Variants in ADAM22 observed in about 807,000 individuals in gnomAD.
ADAM22 encodes disintegrin and metalloproteinase domain-containing protein 22.
Under a neutral mutation model 144.6 loss-of-function variants are expected in ADAM22, and 65 were observed. The ratio of observed to expected loss-of-function variants is 0.45; its 90% CI spans 0.37 to 0.55. ADAM22 has a LOEUF of 0.55. Among genes scored for constraint, ADAM22 ranks in the 20% least tolerant of loss-of-function variants. ADAM22 has a pLI of 0.00. For missense variants in ADAM22, 974 were observed against 1,184.9 expected, an observed-to-expected ratio of 0.82 and a Z score of 2.61; for synonymous variants, 391 against 412.6, an observed-to-expected ratio of 0.95 and a Z score of 0.63.
chr7:88,038,531 T>G (rs1030490058), intron 3 of ADAM22, among the ~76,000 whole-genome samples: 39 of 150,968 alleles, frequency 2.6e-4, no homozygotes, highest in Non-Finnish European at 1.9e-4. Context: ...CTCGACTCAC[T>G]GCAAGCTCCG....
intron 5 of ADAM22, among the ~76,000 whole-genome samples, chr7:88,112,684 C>G (rs975898639): frequency 2.0e-5 from 3 of 152,082 alleles, no homozygotes; most frequent in Non-Finnish European, 2.9e-5. Flanking sequence ...GTAGCCACCC[C>G]CAGCCTACGA....
At chr7:88,017,481 C>G (rs1375246265) in intron 3 of ADAM22, among the ~76,000 whole-genome samples, 1 of 148,790 alleles carries the variant, frequency 6.7e-6, no homozygotes, top group African/African-American at 2.6e-5. Flanking sequence ...ACCTTAAATA[C>G]TTACTCTCTC....
chr7:87,988,825 T>C (rs1789077342), intron 3 of ADAM22, among the ~76,000 whole-genome samples: 1 of 152,164 alleles, frequency 6.6e-6, no homozygotes, highest in South Asian at 2.1e-4. Context: ...TCCCTAACCC[T>C]CTCTAGTAGA....
chr7:87,997,129 A>G (rs949450636), intron 3 of ADAM22, among the ~76,000 whole-genome samples: 1 of 152,244 alleles, frequency 6.6e-6, no homozygotes, highest in African/African-American at 2.4e-5. Flanking sequence ...TTGTTCGTTA[A>G]AAGCATATCT....
At chr7:88,008,463 C>T (rs1453040348) in intron 3 of ADAM22, among the ~76,000 whole-genome samples, 8 of 152,064 alleles carry the variant, frequency 5.3e-5, no homozygotes, top group Admixed American at 2.6e-4. Flanking sequence ...ATGTTTATTG[C>T]AGCACTATTC....
rs1820404083 is a variant in ADAM22, at chr7:88,093,231, A to T, written c.391-14945A>T. ...TAGAGTGAACTATTACAGTAATTATAATTGAACAGAAAGTAGTAGAAATAC... is the reference window on the plus strand; with the variant it reads ...TAGAGTGAACTATTACAGTAATTATTATTGAACAGAAAGTAGTAGAAATAC... On this transcript the variant is annotated intron_variant, in intron 4 of 31. Transcript: ENST00000413139. 2.0e-5 allele frequency among the ~76,000 whole-genome samples: 3 copies of T among 152,130 alleles called. No individual in the cohort carries two copies. In the South Asian group the frequency reaches 6.2e-4, roughly 31 times the overall value.
intron 2 of ADAM22, among the ~76,000 whole-genome samples, chr7:87,944,643 C>T (rs753416098): frequency 1.3e-5 from 2 of 151,976 alleles, no homozygotes; most frequent in Non-Finnish European, 2.9e-5. Context: ...AGGGTGGTGG[C>T]AGGTGAGGCT....
intron 22 of ADAM22, among the ~76,000 whole-genome samples, chr7:88,162,025 G>C: frequency 6.6e-6 from 1 of 150,584 alleles, no homozygotes; most frequent in East Asian, 2.0e-4. Context: ...TTGCAGCACT[G>C]TTCACAGTCT....
At chr7:87,941,625 C>T (rs1341778154) in intron 2 of ADAM22, among the ~76,000 whole-genome samples, 1 of 152,012 alleles carries the variant, frequency 6.6e-6, no homozygotes, top group African/African-American at 2.4e-5. Flanking sequence ...TTTTTATTCT[C>T]CTACCAACCA....
chr7:87,942,902 T>C (rs1842750535), intron 2 of ADAM22, among the ~76,000 whole-genome samples: 2 of 152,122 alleles, frequency 1.3e-5, no homozygotes, highest in South Asian at 2.1e-4. Flanking sequence ...AAAGAAAAAA[T>C]ACAAAGTATC....
chr7:87,953,907 T>C (rs1845919328), intron 2 of ADAM22, among the ~76,000 whole-genome samples: 2 of 152,216 alleles, frequency 1.3e-5, no homozygotes, highest in Admixed American at 1.3e-4. Context: ...TGGCCTTCTT[T>C]GTCTCTTTTG....
intron 3 of ADAM22, among the ~76,000 whole-genome samples, chr7:88,070,419 G>T (rs1037442019): frequency 1.3e-5 from 2 of 152,150 alleles, no homozygotes; most frequent in Non-Finnish European, 2.9e-5. Context: ...TTATAACAAA[G>T]CGTTTTAAAA....
rs183158417 is a variant in ADAM22, at chr7:88,005,413, G to A, written c.323+27001G>A. Among the ~76,000 whole-genome samples the A allele has an allele frequency of 9.8e-5, 15 of 152,290 alleles. No individual in the cohort carries two copies. The East Asian group carries it at 1.5e-3, about 16-fold the overall frequency. ...AGTAGGCAGATTTTGGAGGCTGCAG[G>A]CCCAGTGCTATCACCATCACAGTGG... On this transcript the variant is annotated intron_variant, in intron 3 of 31. Transcript: ENST00000413139.
intron 3 of ADAM22, among the ~76,000 whole-genome samples, chr7:88,062,859 G>A (rs1397693843): frequency 6.6e-6 from 1 of 152,080 alleles, no homozygotes; most frequent in African/African-American, 2.4e-5. Context: ...CTGTGGAGAG[G>A]GAGGGAGATG....
At chr7:88,159,127 T>C (rs560634867) in intron 22 of ADAM22, among the ~76,000 whole-genome samples, 9 of 152,086 alleles carry the variant, frequency 5.9e-5, no homozygotes, top group Admixed American at 1.3e-4. Context: ...TACGAACACC[T>C]GTGGCACACA....
At chr7:88,177,107 G>A (rs1253853061) in intron 26 of ADAM22, among the ~76,000 whole-genome samples, 1 of 152,180 alleles carries the variant, frequency 6.6e-6, no homozygotes, top group African/African-American at 2.4e-5. Flanking sequence ...CATCTCATCA[G>A]TTTATAAAGA....
chr7:87,950,846 T>A (rs1844888985), intron 2 of ADAM22, among the ~76,000 whole-genome samples: 1 of 149,726 alleles, frequency 6.7e-6, no homozygotes, highest in Admixed American at 6.6e-5. Context: ...TGGTGTGAGA[T>A]GGTATCTCAT....
At chr7:88,129,739 G>T (rs1355031753) in intron 9 of ADAM22, among the ~76,000 whole-genome samples, 3 of 152,090 alleles carry the variant, frequency 2.0e-5, no homozygotes, top group Non-Finnish European at 4.4e-5. Flanking sequence ...GAAATGAATG[G>T]TGCATGGCCT....
chr7:88,088,750 A>G (rs964207620), intron 4 of ADAM22, among the ~76,000 whole-genome samples: 3 of 152,204 alleles, frequency 2.0e-5, no homozygotes, highest in Non-Finnish European at 2.9e-5. Flanking sequence ...CGAAAGGTAC[A>G]CAACGTGTTA....
Sources: allele counts gnomAD v4.1 joint callset (sites outside exome capture counted in the v4.1 genomes callset), GRCh38; gene constraint gnomAD v4.1.1; transcripts MANE v1.5; gene names NCBI Gene and HGNC (gene_info 2026-07-23, HGNC 2026-07-21).